The following CHD9NB variants were observed in gnomAD, a reference collection of about 807,000 sequenced individuals.
The protein encoded by CHD9NB is CHD9 neighbor, also known as CHD9 neighbor protein.
the CHD9NB span, chr16:53,043,776 C>T: frequency 2.7e-6 from 1 of 368,340 alleles, no homozygotes; most frequent in African/African-American, 2.1e-5. Context: ...CTTTTGTCCT[C>T]TCTGTGGGAG....
the CHD9NB span, among the ~76,000 whole-genome samples, chr16:53,037,677 G>C: frequency 4.3e-4 from 66 of 152,294 alleles, no homozygotes; most frequent in African/African-American, 1.5e-3. Flanking sequence ...GTTCAGATAA[G>C]AGTTATTTCT....
At chr16:53,047,283 C>T in the CHD9NB span, 3 of 152,076 alleles carry the variant, frequency 2.0e-5, no homozygotes, top group African/African-American at 7.2e-5. Flanking sequence ...TGGTGCAGCC[C>T]CTAGAGAAAA....
the CHD9NB span, among the ~76,000 whole-genome samples, chr16:53,042,081 A>T: frequency 2.6e-5 from 4 of 152,180 alleles, no homozygotes; most frequent in Non-Finnish European, 4.4e-5. Context: ...CTTATTGCTC[A>T]AAAGAATCTC....
At chr16:53,046,162 C>T in the CHD9NB span, among the ~76,000 whole-genome samples, 1 of 151,974 alleles carries the variant, frequency 6.6e-6, no homozygotes, top group Non-Finnish European at 1.5e-5. Context: ...ATTAAGATGC[C>T]CTGTTTGAGG....
the CHD9NB span, chr16:53,036,027 A>G: frequency 2.0e-5 from 3 of 152,044 alleles, no homozygotes; most frequent in Admixed American, 2.0e-4. Context: ...GCATGACCAC[A>G]TATTAACTTG....
chr16:53,043,995 G>GC, the CHD9NB span: 1 of 398,696 alleles, frequency 2.5e-6, no homozygotes, highest in Admixed American at 4.4e-5. Context: ...CTGGAGAGAG[G>GC]CATTTCAGCT....
chr16:53,046,028 C>T, the CHD9NB span, among the ~76,000 whole-genome samples: 2 of 152,158 alleles, frequency 1.3e-5, no homozygotes, highest in African/African-American at 2.4e-5. Flanking sequence ...AAGCTTCTTG[C>T]CAACAGGGCC....
chr16:53,040,049 T>C, the CHD9NB span, among the ~76,000 whole-genome samples: 2 of 151,962 alleles, frequency 1.3e-5, no homozygotes, highest in East Asian at 1.9e-4. Flanking sequence ...CAGTATAAAA[T>C]ACAAGGCACT....
chr16:53,036,596 G>T, the CHD9NB span, among the ~76,000 whole-genome samples: 1 of 152,194 alleles, frequency 6.6e-6, no homozygotes, highest in African/African-American at 2.4e-5. Flanking sequence ...GGGCACTGAA[G>T]TGTGGTGGCA....
At chr16:53,043,110 G>T in the CHD9NB span, 1 of 152,174 alleles carries the variant, frequency 6.6e-6, no homozygotes, top group Non-Finnish European at 1.5e-5. Context: ...TTGCAAACAT[G>T]TCTATTTGAT....
chr16:53,047,953 T>G, the CHD9NB span, among the ~76,000 whole-genome samples: 1 of 144,414 alleles, frequency 6.9e-6, no homozygotes, highest in African/African-American at 2.6e-5. Context: ...GAGCTATGAT[T>G]GTGCCATGGC....
Sources: allele counts gnomAD v4.1 joint callset (sites outside exome capture counted in the v4.1 genomes callset), GRCh38; gene constraint gnomAD v4.1.1; transcripts MANE v1.5; gene names NCBI Gene and HGNC (gene_info 2026-07-23, HGNC 2026-07-21).